The following PDE10A variants were observed in gnomAD, a reference collection of about 807,000 sequenced individuals.
PDE10A encodes the protein phosphodiesterase 10A, also known as cAMP and cAMP-inhibited cGMP 3',5'-cyclic phosphodiesterase 10A.
In PDE10A, 39 loss-of-function variants were observed where a neutral mutation model predicts 97.7. The ratio of observed to expected loss-of-function variants is 0.40; its 90% CI spans 0.31 to 0.52. PDE10A has a LOEUF of 0.52. PDE10A is among the 20% of genes least tolerant of loss of function. The pLI is 0.56. For synonymous variants in PDE10A, 371 were observed against 376.8 expected (o/e 0.98, Z 0.18); for missense variants, 731 against 1,047.8 (o/e 0.70, Z 4.17).
At chr6:165,551,769 A>G (rs2128329778) in intron 1 of PDE10A, among the ~76,000 whole-genome samples, 1 of 152,314 alleles carries the variant, frequency 6.6e-6, no homozygotes, top group Admixed American at 6.5e-5. Flanking sequence ...TTTTACCTCA[A>G]ATTATCAATT....
chr6:165,753,365 A>G (rs367590750), intron 1 of PDE10A, among the ~76,000 whole-genome samples: 6 of 152,162 alleles, frequency 3.9e-5, no homozygotes, highest in African/African-American at 1.4e-4. Context: ...CCACTTTCAG[A>G]CTCCATTCAG....
chr6:165,441,280 G>A (rs538208032), intron 5 of PDE10A, among the ~76,000 whole-genome samples: 1 of 152,226 alleles, frequency 6.6e-6, no homozygotes, highest in South Asian at 2.1e-4. Context: ...CTCTCTGTTA[G>A]CACATAAAAA....
In PDE10A at chr6:165,433,059, A is replaced by G; in HGVS notation, c.1406T>C (p.Ile469Thr). ...AATCAAGTCACCAATTGCAGTGACA[A>G]TTGGTAAGCAAAGAACAGACTGGAT... ...TRIQSVLCLP[I>T]VTAIGDLIGI... Residue 469 changes from isoleucine (I) to threonine (T), a missense_variant, in exon 7 of 22, where the codon ATT becomes ACT. Ile to Thr is a moderately conservative substitution (Grantham distance 89). Coordinates refer to ENST00000539869, the MANE Select transcript of PDE10A (RefSeq NM_001385079.1). 1 of 1,613,564 alleles carries G rather than the reference A, an allele frequency of 6.2e-7. No homozygotes were observed. The highest frequency in any genetic ancestry group is 8.5e-7 in the Non-Finnish European group (1 of 1,179,518).
chr6:165,829,040 G>A (rs563778993), intron 1 of PDE10A, among the ~76,000 whole-genome samples: 1 of 152,342 alleles, frequency 6.6e-6, no homozygotes, highest in African/African-American at 2.4e-5. Flanking sequence ...TCACCCTGCA[G>A]ATGAAGTGTT....
intron 1 of PDE10A, among the ~76,000 whole-genome samples, chr6:165,674,247 T>A (rs1255504128): frequency 6.6e-6 from 1 of 151,948 alleles, no homozygotes; most frequent in Non-Finnish European, 1.5e-5. Flanking sequence ...TCCCTCTTAG[T>A]GTTGCCGTGA....
intron 1 of PDE10A, among the ~76,000 whole-genome samples, chr6:165,792,619 C>A (rs1778690745): frequency 6.6e-6 from 1 of 152,106 alleles, no homozygotes; most frequent in South Asian, 2.1e-4. Flanking sequence ...CCACCGGGTT[C>A]AGTCCTGGGT....
chr6:165,935,799 G>T (rs151336837), intron 1 of PDE10A, among the ~76,000 whole-genome samples: 2 of 152,258 alleles, frequency 1.3e-5, no homozygotes, highest in East Asian at 3.9e-4. Context: ...GATGAATTCT[G>T]CCCCCTTGTT....
intron 1 of PDE10A, among the ~76,000 whole-genome samples, chr6:165,722,109 G>A (rs149750936): frequency 1.5e-4 from 23 of 152,160 alleles, no homozygotes; most frequent in Non-Finnish European, 3.2e-4. Flanking sequence ...AATTACTTAC[G>A]TGATGATGTC....
At chr6:165,548,580 A>G (rs1176707466) in intron 1 of PDE10A, among the ~76,000 whole-genome samples, 1 of 152,066 alleles carries the variant, frequency 6.6e-6, no homozygotes, top group African/African-American at 2.4e-5. Flanking sequence ...GCCTGAAGAG[A>G]TGTAGGTTCC....
chr6:165,365,589 A>G (rs1783716395), intron 18 of PDE10A, among the ~76,000 whole-genome samples: 1 of 152,142 alleles, frequency 6.6e-6, no homozygotes, highest in South Asian at 2.1e-4. Context: ...GTGTTTGCCT[A>G]TGGTCTCAGC....
At chr6:165,709,530 C>T (rs1015664557) in intron 1 of PDE10A, among the ~76,000 whole-genome samples, 18 of 92,842 alleles carry the variant, frequency 1.9e-4, no homozygotes, top group Non-Finnish European at 1.1e-4. Flanking sequence ...CATGCTGCTT[C>T]GCTCTCCCTC....
At chr6:165,395,068 T>C (rs1786050373) in intron 15 of PDE10A, 113 bp downstream of exon 15, 7 of 621,678 alleles carry the variant, frequency 1.1e-5, no homozygotes, top group East Asian at 2.9e-5. Flanking sequence ...AATTTATACA[T>C]GCAGTATTTA....
intron 1 of PDE10A, among the ~76,000 whole-genome samples, chr6:165,744,696 G>A (rs1019557390): frequency 1.3e-5 from 2 of 151,912 alleles, no homozygotes; most frequent in African/African-American, 4.8e-5. Flanking sequence ...CTGTTTTGAC[G>A]TGTTTGACTG....
At chr6:165,768,747 C>T (rs931176283) in intron 1 of PDE10A, among the ~76,000 whole-genome samples, 3 of 152,106 alleles carry the variant, frequency 2.0e-5, no homozygotes, top group African/African-American at 7.2e-5. Context: ...CATTTAAGGG[C>T]ATTTAACTTT....
At position 165,435,232 on chromosome 6, in the gene PDE10A, C is replaced by A; in HGVS notation, c.1335+5G>T. 6.2e-7 allele frequency: 1 copy of A among 1,607,270 alleles called. No homozygotes were observed. The highest frequency in any genetic ancestry group is 1.7e-4 in the Middle Eastern group (1 of 6,036). ...AGTGTCACAAAGAATCAAAAAGCCACTTACTCCAAGGATGTCTTCTACTAG... is the reference window on the plus strand; with the variant it reads ...AGTGTCACAAAGAATCAAAAAGCCAATTACTCCAAGGATGTCTTCTACTAG... On this transcript the variant is annotated splice_donor_5th_base_variant and intron_variant, in intron 6 of 21. Coordinates refer to ENST00000539869, the MANE Select transcript of PDE10A (RefSeq NM_001385079.1).
chr6:165,957,503 C>T (rs1345541159), intron 1 of PDE10A, among the ~76,000 whole-genome samples: 3 of 151,914 alleles, frequency 2.0e-5, no homozygotes, highest in Non-Finnish European at 4.4e-5. Flanking sequence ...AACAAAAATC[C>T]CAAAACCAAA....
At chr6:165,443,232 C>T (rs1354972512) in intron 5 of PDE10A, among the ~76,000 whole-genome samples, 1 of 151,954 alleles carries the variant, frequency 6.6e-6, no homozygotes. Flanking sequence ...GGGGTACAGG[C>T]ATTGGGTAAA....
At chr6:165,542,017 C>A (rs1783469049) in intron 2 of PDE10A, among the ~76,000 whole-genome samples, 1 of 152,092 alleles carries the variant, frequency 6.6e-6, no homozygotes, top group Non-Finnish European at 1.5e-5. Flanking sequence ...ATTTTAATAA[C>A]AATTATACAT....
intron 1 of PDE10A, among the ~76,000 whole-genome samples, chr6:165,885,954 A>C (rs9459518): frequency 0.25 from 38,047 of 152,128 alleles, 5,619 homozygotes; most frequent in African/African-American, 0.41. Context: ...TATATACCTT[A>C]TATAACTTTA....
Sources: gnomAD v4.1 joint callset for allele counts (sites outside exome capture counted in the v4.1 genomes callset) on GRCh38, gnomAD v4.1.1 for gene constraint, MANE v1.5 for transcripts, NCBI Gene and HGNC (gene_info 2026-07-23, HGNC 2026-07-21) for gene names.